Variants in NRXN1 observed in about 807,000 individuals in gnomAD.
The protein encoded by NRXN1 is neurexin-1.
Under a neutral mutation model 150.9 loss-of-function variants are expected in NRXN1, and 39 were observed. The ratio of observed to expected loss-of-function variants is 0.26; its 90% confidence interval spans 0.20 to 0.34. The LOEUF (loss-of-function observed/expected upper bound fraction) is 0.34, where lower values mean the gene tolerates loss of function less well. Ranked by LOEUF, NRXN1 falls within the 10% of genes least tolerant of loss-of-function variation. The pLI is 1.00. For synonymous variants in NRXN1, 924 were observed against 757.0 expected, an observed-to-expected ratio of 1.22 and a Z score of -3.62; for missense variants, 1,815 against 1,949.9, an observed-to-expected ratio of 0.93 and a Z score of 1.30.
At chr2:50,976,835 A>G (rs970411217) in intron 2 of NRXN1, among the ~76,000 whole-genome samples, 3 of 152,054 alleles carry the variant, frequency 2.0e-5, no homozygotes, top group Admixed American at 1.3e-4. Flanking sequence ...GTCCTCAGCA[A>G]GTAGACTTTG....
At chr2:50,531,684 G>A (rs890580462) in intron 10 of NRXN1, among the ~76,000 whole-genome samples, 2 of 151,940 alleles carry the variant, frequency 1.3e-5, no homozygotes, top group Non-Finnish European at 2.9e-5. Context: ...TGTTCCCAGA[G>A]CACTTTCTAC....
At chr2:50,886,003 C>G (rs1559394281) in intron 5 of NRXN1, among the ~76,000 whole-genome samples, 1 of 151,288 alleles carries the variant, frequency 6.6e-6, no homozygotes. Context: ...ATAAAGAACT[C>G]TGTAATTTGG....
At chr2:50,694,918 C>G (rs1359363763) in intron 5 of NRXN1, among the ~76,000 whole-genome samples, 1 of 152,150 alleles carries the variant, frequency 6.6e-6, no homozygotes, top group Non-Finnish European at 1.5e-5. Context: ...ATCCTGGTGA[C>G]TGTTCTAACT....
chr2:50,450,787 C>T (rs6721052), intron 17 of NRXN1, among the ~76,000 whole-genome samples: 79,095 of 151,984 alleles, frequency 0.52, 23,224 homozygotes, highest in East Asian at 0.92. Context: ...GCCAGAGAGA[C>T]AGAATTCACT....
chr2:50,582,587 GAAGCCA>G (rs1423772778), intron 8 of NRXN1, among the ~76,000 whole-genome samples: 1 of 150,020 alleles, frequency 6.7e-6, no homozygotes, highest in Non-Finnish European at 1.5e-5. Flanking sequence ...AGAGACAGGG[GAAGCCA>G]CTAGCAAAAC....
At chr2:50,305,880 T>G (rs767561424) in intron 17 of NRXN1, among the ~76,000 whole-genome samples, 1 of 152,208 alleles carries the variant, frequency 6.6e-6, no homozygotes, top group African/African-American at 2.4e-5. Flanking sequence ...CGTCCTTCCA[T>G]GTGAGAACAG....
At chr2:50,106,057 T>C (rs545681191) in intron 18 of NRXN1, among the ~76,000 whole-genome samples, 111 of 152,050 alleles carry the variant, frequency 7.3e-4, no homozygotes, top group Admixed American at 2.0e-3. Flanking sequence ...TTCTCTACCA[T>C]TTAACCCCTC....
chr2:49,993,246 T>C (rs1443771243), intron 21 of NRXN1, among the ~76,000 whole-genome samples: 7 of 152,188 alleles, frequency 4.6e-5, no homozygotes. Flanking sequence ...AATGAGCCAC[T>C]GAACCATAAA....
chr2:50,901,102 A>G (rs1185083499), intron 5 of NRXN1, among the ~76,000 whole-genome samples: 3 of 151,976 alleles, frequency 2.0e-5, no homozygotes, highest in African/African-American at 7.3e-5. Flanking sequence ...GTTTTTGTTA[A>G]TGCTTGTTTC....
intron 5 of NRXN1, among the ~76,000 whole-genome samples, chr2:50,871,698 G>C (rs1194614206): frequency 6.6e-6 from 1 of 151,630 alleles, no homozygotes; most frequent in Non-Finnish European, 1.5e-5. Flanking sequence ...ACATGCCGAG[G>C]GGTCACTAAA....
chr2:50,194,159 A>G (rs2152826136), intron 18 of NRXN1, among the ~76,000 whole-genome samples: 1 of 152,288 alleles, frequency 6.6e-6, no homozygotes, highest in Middle Eastern at 3.4e-3. Flanking sequence ...TGGTTATTAC[A>G]GAAATTTATC....
intron 18 of NRXN1, among the ~76,000 whole-genome samples, chr2:50,231,074 T>C (rs2064894536): frequency 6.6e-6 from 1 of 152,058 alleles, no homozygotes; most frequent in Admixed American, 6.6e-5. Flanking sequence ...AATAAATGAA[T>C]GTAAAAGAAC....
At chr2:50,365,483 T>A (rs1199147981) in intron 17 of NRXN1, among the ~76,000 whole-genome samples, 1 of 152,226 alleles carries the variant, frequency 6.6e-6, no homozygotes, top group East Asian at 1.9e-4. Context: ...ATATGACGTA[T>A]GTTTAAGAAA....
chr2:50,638,782 C>T (rs981647992), intron 5 of NRXN1, among the ~76,000 whole-genome samples: 3 of 152,146 alleles, frequency 2.0e-5, no homozygotes, highest in Non-Finnish European at 4.4e-5. Flanking sequence ...ATAGCCCATG[C>T]TTGAAATAAG....
chr2:50,088,193 A>G (rs1699065589), intron 19 of NRXN1, among the ~76,000 whole-genome samples: 1 of 152,174 alleles, frequency 6.6e-6, no homozygotes, highest in Non-Finnish European at 1.5e-5. Context: ...CCGTGTCACA[A>G]AAACTTTAAT....
chr2:50,058,396 T>A (rs934707758), intron 19 of NRXN1, among the ~76,000 whole-genome samples: 1 of 152,218 alleles, frequency 6.6e-6, no homozygotes, highest in Non-Finnish European at 1.5e-5. Context: ...ACTAATTCAG[T>A]GAGCACTGTT....
At chr2:50,914,333 T>G (rs769130411) in intron 5 of NRXN1, among the ~76,000 whole-genome samples, 1 of 151,686 alleles carries the variant, frequency 6.6e-6, no homozygotes, top group South Asian at 2.1e-4. Context: ...CCATAAAATA[T>G]AAGATCTACT....
At chr2:50,455,054 A>T (rs941922037) in intron 17 of NRXN1, among the ~76,000 whole-genome samples, 4 of 152,172 alleles carry the variant, frequency 2.6e-5, no homozygotes, top group African/African-American at 9.7e-5. Context: ...TATTGACTAC[A>T]CCAGTGTGTC....
intron 15 of NRXN1, among the ~76,000 whole-genome samples, chr2:50,493,148 C>CA (rs1160260843): frequency 6.6e-6 from 1 of 152,090 alleles, no homozygotes; most frequent in Non-Finnish European, 1.5e-5. Flanking sequence ...ATCTATTGAC[C>CA]AAAACAGGTC....
Sources: allele counts gnomAD v4.1 joint callset (sites outside exome capture counted in the v4.1 genomes callset), GRCh38; gene constraint gnomAD v4.1.1; transcripts MANE v1.5; gene names NCBI Gene and HGNC (gene_info 2026-07-23, HGNC 2026-07-21).